The following RBMS2 variants were observed in gnomAD, a reference collection of about 807,000 sequenced individuals.
The protein encoded by RBMS2 is RNA-binding motif, single-stranded-interacting protein 2.
Under a neutral mutation model 58.4 loss-of-function variants are expected in RBMS2, and 38 were observed. The observed-to-expected ratio is 0.65, with a 90% CI of 0.50 to 0.85. The LOEUF (loss-of-function observed/expected upper bound fraction) is 0.85, where lower values mean the gene tolerates loss of function less well. RBMS2 is among the 40% of genes least tolerant of loss of function. The probability of loss-of-function intolerance (pLI) is 0.00; values close to 1 mark genes in which losing one functional copy is unlikely to be tolerated. For missense variants in RBMS2, 367 were observed against 503.7 expected (o/e 0.73, Z 2.60); for synonymous variants, 151 against 180.7 (o/e 0.84, Z 1.32).
rs894915519 is a variant in RBMS2 at position 56,590,537 on chromosome 12, A to C, written c.*1404A>C. Reference sequence around the variant, plus strand: ...ATTGCCAAGACTGGGAAACACTGATATAGACAGTGTTGTCCCTGCCTCCTG... The same window carrying C: ...ATTGCCAAGACTGGGAAACACTGATCTAGACAGTGTTGTCCCTGCCTCCTG... On this transcript the variant is annotated 3_prime_UTR_variant, in exon 14 of 14. Coordinates refer to ENST00000262031, the MANE Select transcript of RBMS2 (RefSeq NM_002898.4). 2 of 152,226 alleles carry C rather than the reference A, an allele frequency of 1.3e-5. No homozygotes were observed. The highest frequency in any genetic ancestry group is 3.2e-3 in the Middle Eastern group (1 of 316). 9.4% of individuals were successfully genotyped at this position (152,226 alleles called of 1,614,324 possible).
rs3759091 is a variant in RBMS2, at chr12:56,562,429, T to C, written c.79T>C (p.Leu27=). 1,286,647 of 1,601,662 alleles carry C rather than the reference T, an allele frequency of 0.8. 523,118 individuals are homozygous for C. The highest frequency in any genetic ancestry group is 0.83 in the East Asian group (37,286 of 44,798). ...NRNNKKPYVS[L]AQQMAPPSPS... ...TGTCTCCCTGCAGCCATATGTGTCA[T>C]TGGCTCAGCAGATGGCACCACCTAG... The change falls in exon 2 of 14, where the codon TTG becomes CTG. Residue 27 remains leucine, a synonymous_variant. Transcript: ENST00000262031.
chr12:56,570,032 G>A (rs1193303056), intron 4 of RBMS2, 42 bp downstream of exon 4: 1 of 1,541,712 alleles, frequency 6.5e-7, no homozygotes, highest in African/African-American at 1.4e-5. Flanking sequence ...AGGGGTTTGT[G>A]GTTAGCACCA....
At position 56,521,830 on chromosome 12, in the gene RBMS2, C is replaced by A. The variant is rs1312434190; in HGVS notation, c.-194C>A. 1 of 577,246 alleles carries A rather than the reference C, an allele frequency of 1.7e-6. No homozygotes were observed. Among genetic ancestry groups the A allele is most frequent in the African/African-American group, 1.9e-5 (1 of 52,058 alleles). 35.8% of individuals were successfully genotyped at this position (577,246 alleles called of 1,614,324 possible). On this transcript the variant is annotated 5_prime_UTR_variant, in exon 1 of 14. Transcript: ENST00000262031. ...GTGACGTAAAGGAGCAGCCCGAGCT[C>A]ATTCTCTGCCCGCAGCCCCCCTTCA...
At chr12:56,580,024 G>A (rs1883700101) in intron 5 of RBMS2, among the ~76,000 whole-genome samples, 1 of 152,024 alleles carries the variant, frequency 6.6e-6, no homozygotes, top group South Asian at 2.1e-4. Flanking sequence ...CTGCTTCCCA[G>A]GTTCAAGCAA....
chr12:56,556,446 G>C (rs1414180840), intron 1 of RBMS2, among the ~76,000 whole-genome samples: 1 of 151,266 alleles, frequency 6.6e-6, no homozygotes, highest in East Asian at 1.9e-4. Flanking sequence ...CGCGATCTGG[G>C]CTCACTGCAA....
chr12:56,575,498 T>C (rs1592475766), intron 5 of RBMS2, among the ~76,000 whole-genome samples: 1 of 151,734 alleles, frequency 6.6e-6, no homozygotes, highest in Non-Finnish European at 1.5e-5. Context: ...GGTCTTGCCC[T>C]GGGGATGGAG....
chr12:56,565,755 G>C (rs1178882874), intron 2 of RBMS2, among the ~76,000 whole-genome samples: 1 of 152,060 alleles, frequency 6.6e-6, no homozygotes, highest in Non-Finnish European at 1.5e-5. Context: ...CTTTGTCCCA[G>C]TTGTCTCTCC....
At chr12:56,551,937 A>G (rs1878336750) in intron 1 of RBMS2, among the ~76,000 whole-genome samples, 1 of 152,084 alleles carries the variant, frequency 6.6e-6, no homozygotes, top group Non-Finnish European at 1.5e-5. Flanking sequence ...AAAATACAAA[A>G]CTTAGCCGGG....
At chr12:56,587,456 A>C (rs1884828760) in intron 10 of RBMS2, 98 bp from the exon 11 acceptor site, 4 of 1,274,172 alleles carry the variant, frequency 3.1e-6, no homozygotes, top group Non-Finnish European at 4.3e-6. Flanking sequence ...CAGGATTCTT[A>C]AATGTCTGTC....
Position 56,595,248 on chromosome 12 carries a change from C to CCTT in RBMS2, c.*6116_*6118dup, listed in dbSNP as rs1885644350. 6.6e-6 allele frequency: 1 copy of CCTT among 152,178 alleles called. No homozygotes were observed. The highest frequency in any genetic ancestry group is 2.4e-5 in the African/African-American group (1 of 41,434). 9.4% of individuals were successfully genotyped at this position (152,178 alleles called of 1,614,324 possible). A position where few individuals can be genotyped will look rare whatever the true frequency, so the allele number is the denominator to read the frequency against. Reference sequence around the variant, plus strand: ...GCTGGAAGCGAATGTTCCTTTTCTACCTTAACATACAGTTTAGGGGGTTGC... The same window carrying CCTT: ...GCTGGAAGCGAATGTTCCTTTTCTACCTTCTTAACATACAGTTTAGGGGGTTGC... On this transcript the variant is annotated 3_prime_UTR_variant, in exon 14 of 14. Coordinates refer to ENST00000262031, the MANE Select transcript of RBMS2 (RefSeq NM_002898.4).
intron 5 of RBMS2, among the ~76,000 whole-genome samples, chr12:56,572,383 G>C (rs953230318): frequency 6.6e-6 from 1 of 151,620 alleles, no homozygotes; most frequent in African/African-American, 2.4e-5. Flanking sequence ...TAAAGATGGG[G>C]TCTTGCTGTG....
At position 56,522,108 on chromosome 12, in the gene RBMS2, T is replaced by A; in HGVS notation, c.66+19T>A. Reference sequence around the variant, plus strand: ...CAAGAAGGTAGGGAAAAGCGCTTTTTTGGTATCTAGCTACTTCTTTTTCTG... The same window carrying A: ...CAAGAAGGTAGGGAAAAGCGCTTTTATGGTATCTAGCTACTTCTTTTTCTG... On this transcript the variant is annotated intron_variant, in intron 1 of 13. Transcript: ENST00000262031. 1 of 1,550,406 alleles carries A rather than the reference T, an allele frequency of 6.4e-7. No individual in the cohort carries two copies. Among genetic ancestry groups the A allele is most frequent in the Non-Finnish European group, 8.9e-7 (1 of 1,125,590 alleles).
chr12:56,536,561 C>G (rs893243370), intron 1 of RBMS2, among the ~76,000 whole-genome samples: 1 of 146,332 alleles, frequency 6.8e-6, no homozygotes, highest in Admixed American at 6.9e-5. Context: ...CTCCTTCTTT[C>G]TTTTTTTTTT....
In RBMS2 at chr12:56,525,241, A is replaced by C. The variant is rs1052537950; in HGVS notation, c.66+3152A>C. 2.0e-5 allele frequency among the ~76,000 whole-genome samples: 3 copies of C among 151,906 alleles called. No homozygotes were observed. The East Asian group carries it at 5.8e-4, about 29-fold the overall frequency. ...TTTATTTGTTTATTTATTTATTTTG[A>C]GACAGAGTCTTACCCTGTCACCCAG... On this transcript the variant is annotated intron_variant, in intron 1 of 13. Transcript: ENST00000262031.
chr12:56,534,653 A>AT (rs1176277669), intron 1 of RBMS2, among the ~76,000 whole-genome samples: 1 of 151,990 alleles, frequency 6.6e-6, no homozygotes, highest in African/African-American at 2.4e-5. Context: ...TTATTTATTT[A>AT]TTTTTTATGA....
chr12:56,538,689 C>T (rs1208543356), intron 1 of RBMS2, among the ~76,000 whole-genome samples: 2 of 151,812 alleles, frequency 1.3e-5, no homozygotes, highest in East Asian at 3.9e-4. Context: ...ACCATCTTGG[C>T]CAGGCTGGTC....
At chr12:56,542,582 T>C (rs1369764488) in intron 1 of RBMS2, among the ~76,000 whole-genome samples, 1 of 149,732 alleles carries the variant, frequency 6.7e-6, no homozygotes, top group Non-Finnish European at 1.5e-5. Flanking sequence ...AGGGTTTCAC[T>C]GTGTTGCCTA....
At chr12:56,577,509 C>T (rs934457077) in intron 5 of RBMS2, among the ~76,000 whole-genome samples, 9 of 149,750 alleles carry the variant, frequency 6.0e-5, no homozygotes, top group South Asian at 2.1e-4. Context: ...GGGTCTCACT[C>T]GGTTGTGCAG....
chr12:56,571,980 T>C (rs1397594804), intron 5 of RBMS2, 125 bp downstream of exon 5: 15 of 1,089,314 alleles, frequency 1.4e-5, no homozygotes, highest in Non-Finnish European at 1.7e-5. Flanking sequence ...TCAAAAATAC[T>C]TGATGGTAAG....
Sources: allele counts gnomAD v4.1 joint callset (sites outside exome capture counted in the v4.1 genomes callset), GRCh38; gene constraint gnomAD v4.1.1; transcripts MANE v1.5; gene names NCBI Gene and HGNC (gene_info 2026-07-23, HGNC 2026-07-21).